The following ZMYM2 variants were observed in gnomAD, a reference collection of about 807,000 sequenced individuals.
ZMYM2 encodes the protein zinc finger MYM-type containing 2.
A neutral mutation model predicts 162.8 loss-of-function variants in ZMYM2; 56 were observed. The observed-to-expected ratio is 0.34, with a 90% confidence interval of 0.28 to 0.43. The LOEUF (loss-of-function observed/expected upper bound fraction) is 0.43. Ranked by LOEUF, ZMYM2 falls within the 20% of genes least tolerant of loss-of-function variation. ZMYM2 has a pLI of 1.00. For missense variants in ZMYM2, 1,275 were observed against 1,621.8 expected (o/e 0.79, Z 3.67); for synonymous variants, 510 against 541.6 (o/e 0.94, Z 0.81).
At chr13:19,930,762 C>A in the ZMYM2 span, among the ~76,000 whole-genome samples, 11 of 151,590 alleles carry the variant, frequency 7.3e-5, no homozygotes, top group South Asian at 2.3e-3. Context: ...TGGTCTCGAA[C>A]TCCTGACCTC....
intron 21 of ZMYM2, among the ~76,000 whole-genome samples, chr13:20,079,803 T>C (rs1957794631): frequency 6.6e-6 from 1 of 152,208 alleles, no homozygotes; most frequent in Non-Finnish European, 1.5e-5. Context: ...TGGTTTATTA[T>C]TGCTAAGGTT....
At chr13:20,076,785 A>G (rs901333956) in intron 21 of ZMYM2, among the ~76,000 whole-genome samples, 1 of 150,360 alleles carries the variant, frequency 6.7e-6, no homozygotes, top group African/African-American at 2.5e-5. Flanking sequence ...TACATAGAGG[A>G]TTTCTAAGCT....
At chr13:20,042,720 TA>T (rs1202248454) in intron 12 of ZMYM2, among the ~76,000 whole-genome samples, 2 of 148,592 alleles carry the variant, frequency 1.3e-5, no homozygotes, top group African/African-American at 5.2e-5. Context: ...TTTTTATTAT[TA>T]TTATTTTTTT....
intron 21 of ZMYM2, among the ~76,000 whole-genome samples, chr13:20,074,524 A>G (rs996654810): frequency 2.0e-5 from 3 of 148,646 alleles, no homozygotes; most frequent in South Asian, 2.1e-4. Context: ...GGCATGAGCC[A>G]CTGTGCCCGG....
chr13:20,086,456 G>C lies in ZMYM2; in HGVS notation c.*442G>C, dbSNP rs1958272648. ...AAGTTTAGAACTTGCAGTGTCTTTC[G>C]GAATTTTTAAAATAAACTGTAAACT... On this transcript the variant is annotated 3_prime_UTR_variant, in exon 25 of 25. Coordinates refer to ENST00000610343, the MANE Select transcript of ZMYM2 (RefSeq NM_197968.4). 1 of 221,372 alleles carries C rather than the reference G, an allele frequency of 4.5e-6. No individual in the cohort carries two copies. Among genetic ancestry groups the C allele is most frequent in the Admixed American group, 5.7e-5 (1 of 17,402 alleles). The allele number at this position is 221,372 out of a possible 1,614,324, so 13.7% of individuals were successfully genotyped here. A position where few individuals can be genotyped will look rare whatever the true frequency, so the allele number is the denominator to read the frequency against.
chr13:20,080,186 G>A (rs1022227446), intron 21 of ZMYM2, among the ~76,000 whole-genome samples: 10 of 152,156 alleles, frequency 6.6e-5, no homozygotes, highest in Non-Finnish European at 1.0e-4. Flanking sequence ...GAGAAACCTA[G>A]CATTGTCACT....
At chr13:19,997,224 G>T (rs759605000) in intron 3 of ZMYM2, among the ~76,000 whole-genome samples, 158 of 152,092 alleles carry the variant, frequency 1.0e-3, no homozygotes, top group Non-Finnish European at 1.9e-3. Flanking sequence ...CTACACAATG[G>T]GTATTGATGT....
At chr13:19,882,692 A>C in the ZMYM2 span, among the ~76,000 whole-genome samples, 1 of 152,088 alleles carries the variant, frequency 6.6e-6, no homozygotes, top group Admixed American at 6.6e-5. Flanking sequence ...AACTGTAGTG[A>C]GCTGTGATTG....
At chr13:19,953,344 T>A in the ZMYM2 span, among the ~76,000 whole-genome samples, 1,517 of 152,294 alleles carry the variant, frequency 1.0e-2, 84 homozygotes, top group Admixed American at 0.093. Context: ...AGAATAAGTA[T>A]TTCATATATT....
chr13:19,999,264 G>T (rs1950225666), intron 3 of ZMYM2, among the ~76,000 whole-genome samples: 1 of 152,124 alleles, frequency 6.6e-6, no homozygotes, highest in Non-Finnish European at 1.5e-5. Context: ...CAAATTGAAG[G>T]TTTGTGGCAA....
chr13:19,908,521 C>G, the ZMYM2 span, among the ~76,000 whole-genome samples: 1 of 152,164 alleles, frequency 6.6e-6, no homozygotes, highest in African/African-American at 2.4e-5. Flanking sequence ...TAAGATTGAT[C>G]ACTGCATTTA....
chr13:20,051,322 C>A, intron 12 of ZMYM2, 111 bp from the exon 13 acceptor site: 196 of 683,120 alleles, frequency 2.9e-4, no homozygotes, highest in Middle Eastern at 7.5e-4. Flanking sequence ...TATAGTTCTA[C>A]TTTTTCTGTA....
chr13:19,943,102 T>C, the ZMYM2 span, among the ~76,000 whole-genome samples: 1 of 152,190 alleles, frequency 6.6e-6, no homozygotes, highest in Non-Finnish European at 1.5e-5. Flanking sequence ...CCTGCTCTTC[T>C]AGCTTTTGTT....
intron 14 of ZMYM2, among the ~76,000 whole-genome samples, chr13:20,053,796 A>G (rs1333025198): frequency 6.6e-6 from 1 of 152,212 alleles, no homozygotes; most frequent in Non-Finnish European, 1.5e-5. Flanking sequence ...AGAATCCTAG[A>G]AAAGTAAGAA....
At position 19,985,315 on chromosome 13, in the gene ZMYM2, G is replaced by T. The variant is rs1177172295; in HGVS notation, c.-10-7748G>T. Among the ~76,000 whole-genome samples, 8 of 152,196 alleles carry T rather than the reference G, an allele frequency of 5.3e-5. No homozygotes were observed. In the South Asian group the frequency reaches 1.7e-3, roughly 32 times the overall value. Reference sequence around the variant, plus strand: ...ATTTTTGTATTTTTTGTAGAGTCAGGATTTCACTGAGTCACCAGGGCTGGT... The same window carrying T: ...ATTTTTGTATTTTTTGTAGAGTCAGTATTTCACTGAGTCACCAGGGCTGGT... On this transcript the variant is annotated intron_variant, in intron 2 of 24. Transcript: ENST00000610343.
chr13:20,024,877 AG>A, intron 7 of ZMYM2: 1 of 215,910 alleles, frequency 4.6e-6, no homozygotes, highest in Admixed American at 5.8e-5. Flanking sequence ...AGCAAAGTTG[AG>A]GGCTTCCTTT....
the ZMYM2 span, among the ~76,000 whole-genome samples, chr13:19,933,422 A>G: frequency 6.6e-6 from 1 of 152,086 alleles, no homozygotes; most frequent in Non-Finnish European, 1.5e-5. Context: ...TGTGTTTATT[A>G]TTCTATTATT....
intron 6 of ZMYM2, among the ~76,000 whole-genome samples, chr13:20,011,348 A>C (rs1187528675): frequency 6.6e-6 from 1 of 152,198 alleles, no homozygotes; most frequent in Non-Finnish European, 1.5e-5. Flanking sequence ...ACTTACATTC[A>C]AACAATCCAC....
In ZMYM2 at chr13:19,993,103, T is replaced by A. The variant is rs772810405; in HGVS notation, c.31T>A (p.Leu11Met). Reference protein sequence around the residue: MDTSSVGGLELTDQTPVLLGS... With the variant: MDTSSVGGLEMTDQTPVLLGS... ...CACAAGTTCAGTGGGAGGATTAGAA[T>A]TGACTGATCAGACTCCTGTTTTATT... The change falls in exon 3 of 25, where the codon TTG becomes ATG. Residue 11 changes from leucine (L) to methionine (M), a missense_variant. Leu to Met is a conservative substitution (Grantham distance 15, BLOSUM62 2). Coordinates refer to ENST00000610343, the MANE Select transcript of ZMYM2 (RefSeq NM_197968.4). The A allele has an allele frequency of 1.2e-5, 19 of 1,612,374 alleles. No homozygotes were observed. The highest frequency in any genetic ancestry group is 1.5e-5 in the Non-Finnish European group (18 of 1,179,426).
Sources: allele counts gnomAD v4.1 joint callset (sites outside exome capture counted in the v4.1 genomes callset), GRCh38; gene constraint gnomAD v4.1.1; transcripts MANE v1.5; gene names NCBI Gene and HGNC (gene_info 2026-07-23, HGNC 2026-07-21).